The following APOB variants were observed in gnomAD, a reference collection of about 807,000 sequenced individuals.
The protein encoded by APOB is apolipoprotein B-100.
A neutral mutation model predicts 314.1 loss-of-function variants in APOB; 153 were observed. The observed-to-expected ratio is 0.49, with a 90% CI of 0.43 to 0.56. APOB has a LOEUF of 0.56. Among genes scored for constraint, APOB ranks in the 20% least tolerant of loss-of-function variants. The pLI is 0.00. For synonymous variants in APOB, 2,087 were observed against 2,036.4 expected (o/e 1.02, Z -0.67); for missense variants, 5,430 against 5,350.7 (o/e 1.01, Z -0.46).
Position 21,013,199 on chromosome 2 carries a change from C to G in APOB, c.4177G>C (p.Ala1393Pro), listed in dbSNP as rs1478869640. 5 of 1,614,022 alleles carry G rather than the reference C, an allele frequency of 3.1e-6. No individual in the cohort carries two copies. Among genetic ancestry groups the G allele is most frequent in the Non-Finnish European group, 4.2e-6 (5 of 1,180,020 alleles). ...FSLRARYHMKADSVVDLLSYN... is the reference protein window; with the variant it reads ...FSLRARYHMKPDSVVDLLSYN... ...GAAAGCAGGTCAACCACAGAGTCAG[C>G]CTTCATGTGGTAACGAGCCCGAAGG... The change falls in exon 25 of 29, where the codon GCT becomes CCT. Residue 1393 changes from alanine to proline, a missense_variant. Transcript: ENST00000233242.
chr2:21,008,505 C>A lies in APOB; in HGVS notation c.8363G>T (p.Gly2788Val), dbSNP rs534116066. Residue 2788 changes from glycine to valine, a missense_variant, in exon 26 of 29, where the codon GGT becomes GTT. Gly to Val is a moderately radical substitution (Grantham distance 109, BLOSUM62 -3). Around this residue, in one of 3 missense-constraint regions of APOB, gnomAD observed 3,281 missense variants for 3,171.0 expected, o/e 1.03. Coordinates refer to ENST00000233242, the MANE Select transcript of APOB (RefSeq NM_000384.3). ...TTTGGCAGTGATGGAAGCTGCGATA[C>A]CTGCTTCGTTTGCTGAGGTGGTTCC... is the stretch of plus-strand genomic sequence containing the variant. Reference protein sequence around the residue: ...GNGTTSANEAGIAASITAKGE... With the variant: ...GNGTTSANEAVIAASITAKGE... The A allele has an allele frequency of 1.1e-4, 172 of 1,614,066 alleles. 2 individuals carry two copies. The South Asian group carries it at 1.8e-3, about 17-fold the overall frequency.
At chr2:21,038,318 T>A (rs1298725699) in intron 4 of APOB, among the ~76,000 whole-genome samples, 2 of 152,072 alleles carry the variant, frequency 1.3e-5, no homozygotes, top group Admixed American at 6.6e-5. Context: ...TGGTGATTCT[T>A]TTTTTTTCTT....
At chr2:21,014,656 A>G in intron 23 of APOB, 63 bp from the exon 24 acceptor site, 2 of 1,566,848 alleles carry the variant, frequency 1.3e-6, no homozygotes, top group Middle Eastern at 1.7e-4. Flanking sequence ...AGCAATGAAC[A>G]TTAGGCAAAA....
At position 21,027,867 on chromosome 2, in the gene APOB, G is replaced by C. The variant is rs1423778230; in HGVS notation, c.2028C>G (p.Thr676=). ...CTGAAGCAAATCCAAAGGCAGTGAG[G>C]GTAGTTTTCAGCATGCTTTCTTTAG... ...YLPKESMLKT[T]LTAFGFASAD... is the part of the protein sequence containing the mutation. Residue 676 remains threonine (T), a synonymous_variant, in exon 14 of 29, where the codon ACC becomes ACG. Transcript: ENST00000233242. The C allele has an allele frequency of 6.2e-7, 1 of 1,613,904 alleles. No homozygotes were observed. Among genetic ancestry groups the C allele is most frequent in the African/African-American group, 1.3e-5 (1 of 74,884 alleles).
Position 21,015,194 on chromosome 2 carries a change from T to C in APOB, c.3575A>G (p.Asn1192Ser). 2.5e-6 allele frequency: 4 copies of C among 1,614,184 alleles called. No individual in the cohort carries two copies. The highest frequency in any genetic ancestry group is 3.4e-6 in the Non-Finnish European group (4 of 1,180,020). The change falls in exon 23 of 29, where the codon AAT (asparagine) becomes AGT (serine). Residue 1192 changes from asparagine to serine, a missense_variant. Asn to Ser is a conservative substitution (Grantham distance 46). This residue lies in a region of APOB where 2,085 missense variants were observed against 2,079.7 expected (regional missense o/e 1.00). Coordinates refer to ENST00000233242, the MANE Select transcript of APOB (RefSeq NM_000384.3). The part of the protein sequence containing the change: ...TNVDTKKMTS[N>S]FPVDLSDYPK... ...ATAATCGGAGAGATCCACAGGGAAA[T>C]TGGAAGTCATTTTTTTGGTATCTAC... is the stretch of plus-strand genomic sequence containing the variant.
chr2:21,024,668 G>C (rs1431310550), intron 16 of APOB: 2 of 618,362 alleles, frequency 3.2e-6, no homozygotes, highest in African/African-American at 3.7e-5. Flanking sequence ...GGTAGAGGAA[G>C]GTATACCGAA....
chr2:21,002,538 A>C lies in APOB; in HGVS notation c.12884T>G (p.Val4295Gly), dbSNP rs1205048003. 1.2e-6 allele frequency: 2 copies of C among 1,613,796 alleles called. No individual in the cohort carries two copies. Among genetic ancestry groups the C allele is most frequent in the Non-Finnish European group, 1.7e-6 (2 of 1,179,866 alleles). ...KAIQSLKTTE[V>G]LRNLQDLLQF... ...TAAAAGGTCCTGAAGATTACGTAGC[A>C]CCTCTGTGGTCTTGAGAGACTGAAT... Residue 4295 changes from valine (V) to glycine (G), a missense_variant, in exon 29 of 29, where the codon GTG becomes GGG. This residue lies in a region of APOB where 3,281 missense variants were observed against 3,171.0 expected (regional missense o/e 1.03). Coordinates refer to ENST00000233242, the MANE Select transcript of APOB (RefSeq NM_000384.3).
Position 21,019,816 on chromosome 2 carries a change from A to G in APOB, c.2906T>C (p.Val969Ala). The change falls in exon 19 of 29, where the codon GTC becomes GCC. Residue 969 changes from valine to alanine, a missense_variant. Val to Ala is a moderately conservative substitution (Grantham distance 64). Around this residue, in one of 3 missense-constraint regions of APOB, gnomAD observed 2,085 missense variants for 2,079.7 expected, o/e 1.00. Coordinates refer to ENST00000233242, the MANE Select transcript of APOB (RefSeq NM_000384.3). Reference protein sequence around the residue: ...NRQSWSVCKQVFPGLNYCTSG... With the variant: ...NRQSWSVCKQAFPGLNYCTSG... ...GGTGCAGTAATTCAGGCCAGGAAAG[A>G]CTTGCTTGCAAACTGACCAGGACTG... 1.2e-6 allele frequency: 2 copies of G among 1,614,160 alleles called. No homozygotes were observed. Among genetic ancestry groups the G allele is most frequent in the Non-Finnish European group, 1.7e-6 (2 of 1,180,024 alleles).
chr2:21,040,816 C>T, intron 4 of APOB, 122 bp downstream of exon 4: 1 of 1,136,836 alleles, frequency 8.8e-7, no homozygotes, highest in Non-Finnish European at 1.3e-6. Flanking sequence ...CAGTAATTCC[C>T]TGATCCACGA....
At chr2:21,027,750 A>G in intron 14 of APOB, 78 bp downstream of exon 14, 1 of 1,102,528 alleles carries the variant, frequency 9.1e-7, no homozygotes, top group Non-Finnish European at 1.4e-6. Context: ...TCCTCTGGGT[A>G]GCTCCTGGCT....
chr2:21,020,402 G>C (rs1663578387), intron 18 of APOB, among the ~76,000 whole-genome samples: 2 of 152,084 alleles, frequency 1.3e-5, no homozygotes, highest in African/African-American at 4.8e-5. Flanking sequence ...TCACCATCAA[G>C]AGTTGTCTGC....
intron 20 of APOB, among the ~76,000 whole-genome samples, chr2:21,017,794 ACCAAACACTATTTCC>A (rs1312631200): frequency 1.3e-5 from 2 of 152,202 alleles, no homozygotes; most frequent in Non-Finnish European, 2.9e-5. Context: ...AACAATGTTT[ACCAAACACTATTTCC>A]CCAGCGTGCC....
In APOB at chr2:21,010,178, A is replaced by G; in HGVS notation, c.6690T>C (p.His2230=). Residue 2230 remains histidine, a synonymous_variant, in exon 26 of 29, where the codon CAT becomes CAC. Transcript: ENST00000233242. ...TAAAATCAATATTTTCAATAAACAA[A>G]TGTAGATCATGGATTGTTTTTACTA... The part of the protein sequence containing the change: ...VNLVKTIHDL[H]LFIENIDFNK... 1.3e-6 allele frequency: 2 copies of G among 1,599,244 alleles called. No individual in the cohort carries two copies. Among genetic ancestry groups the G allele is most frequent in the Non-Finnish European group, 1.7e-6 (2 of 1,169,748 alleles).
In APOB at chr2:21,007,457, T is replaced by C. The variant is rs763696014; in HGVS notation, c.9411A>G (p.Leu3137=). 5.0e-6 allele frequency: 8 copies of C among 1,613,994 alleles called. No homozygotes were observed. In the South Asian group the frequency reaches 7.7e-5, roughly 16 times the overall value. The change falls in exon 26 of 29, where the codon CTA becomes CTG. Residue 3137 remains leucine, a synonymous_variant. Transcript: ENST00000233242. Reference sequence around the variant, plus strand: ...GAGGAGTTGTGATTATTGTGTAAGGTAGACGCATTTCAGGAATTGTTAAAG... The same window carrying C: ...GAGGAGTTGTGATTATTGTGTAAGGCAGACGCATTTCAGGAATTGTTAAAG... The part of the protein sequence containing the change: ...NIPLTIPEMR[L]PYTIITTPPL...
chr2:21,039,718 A>G (rs1311614110), intron 4 of APOB, among the ~76,000 whole-genome samples: 1 of 152,214 alleles, frequency 6.6e-6, no homozygotes, highest in Non-Finnish European at 1.5e-5. Context: ...GCAAACATGG[A>G]AAGCCCTCCT....
intron 8 of APOB, among the ~76,000 whole-genome samples, chr2:21,034,303 T>A (rs1663950542): frequency 6.6e-6 from 1 of 151,984 alleles, no homozygotes; most frequent in Non-Finnish European, 1.5e-5. Context: ...AAATCACATC[T>A]CTACCACCTG....
intron 28 of APOB, 89 bp downstream of exon 28, chr2:21,004,180 A>C: frequency 7.1e-7 from 1 of 1,413,088 alleles, no homozygotes; most frequent in Non-Finnish European, 1.0e-6. Context: ...AGTTTGGGGA[A>C]TCTCTGAATA....
chr2:21,012,000 C>T lies in APOB; in HGVS notation c.4868G>A (p.Gly1623Asp), dbSNP rs753640735. The T allele has an allele frequency of 6.2e-6, 10 of 1,613,994 alleles. No individual in the cohort carries two copies. In the East Asian group the frequency reaches 2.2e-4, roughly 36 times the overall value. Residue 1623 changes from glycine (G) to aspartate (D), a missense_variant, in exon 26 of 29, where the codon GGT becomes GAT. Physicochemically the swap from Gly to Asp is moderately conservative, Grantham distance 94 (BLOSUM62 -1). Coordinates refer to ENST00000233242, the MANE Select transcript of APOB (RefSeq NM_000384.3). Reference protein sequence around the residue: ...SLLSGSLNSHGLELNADILGT... With the variant: ...SLLSGSLNSHDLELNADILGT... ...TAAGATGTCAGCATTTAACTCAAGACCATGGGAATTTAGTGATCCAGAAAG... is the reference window on the plus strand; with the variant it reads ...TAAGATGTCAGCATTTAACTCAAGATCATGGGAATTTAGTGATCCAGAAAG...
At position 21,004,308 on chromosome 2, in the gene APOB, A is replaced by G; in HGVS notation, c.12048T>C (p.Asp4016=). Residue 4016 remains aspartate, a synonymous_variant, in exon 28 of 29, where the codon GAT becomes GAC. Coordinates refer to ENST00000233242, the MANE Select transcript of APOB (RefSeq NM_000384.3). ...AGAAGTTCCATTTAGAAAAGTCGTCATCTTCATCCATATCCATGCCCACGG... is the reference window on the plus strand; with the variant it reads ...AGAAGTTCCATTTAGAAAAGTCGTCGTCTTCATCCATATCCATGCCCACGG... ...VGTVGMDMDE[D]DDFSKWNFYY... 6.2e-7 allele frequency: 1 copy of G among 1,613,998 alleles called. No individual in the cohort carries two copies. Among genetic ancestry groups the G allele is most frequent in the Non-Finnish European group, 8.5e-7 (1 of 1,179,916 alleles).
Sources: gnomAD v4.1 joint callset for allele counts (sites outside exome capture counted in the v4.1 genomes callset) on GRCh38, gnomAD v4.1.1 for gene constraint, gnomAD v4.1.1 regional missense constraint, MANE v1.5 for transcripts, NCBI Gene and HGNC (gene_info 2026-07-23, HGNC 2026-07-21) for gene names.